The following ZNF544 variants were observed in gnomAD, a reference collection of about 807,000 sequenced individuals.
ZNF544 encodes zinc finger protein 544.
Under a neutral mutation model 13.5 loss-of-function variants are expected in ZNF544, and 10 were observed. The ratio of observed to expected loss-of-function variants is 0.74; its 90% CI spans 0.46 to 1.25. The LOEUF (loss-of-function observed/expected upper bound fraction) is 1.25. ZNF544 is among the 50% of genes most tolerant of loss of function. ZNF544 has a pLI of 0.00. For missense variants in ZNF544, 896 were observed against 845.6 expected (o/e 1.06, Z -0.74); for synonymous variants, 323 against 300.5 (o/e 1.07, Z -0.77).
At chr19:58,267,595 T>C (rs1386066981), downstream of ZNF544, 2 of 149,758 alleles carry the variant, frequency 1.3e-5, no homozygotes, top group Non-Finnish European at 1.5e-5. Context: ...TCCCAGCTAC[T>C]TGGGAGGCTG....
In ZNF544 at chr19:58,262,674, T is replaced by C; in HGVS notation, c.2068T>C (p.Cys690Arg). Reference protein sequence around the residue: ...RIHSGEKPYECSDCGKSFRQQ... With the variant: ...RIHSGEKPYERSDCGKSFRQQ... ...TCATTCTGGAGAGAAACCCTATGAA[T>C]GTAGTGACTGTGGGAAATCCTTCCG... The change falls in exon 7 of 7, where the codon TGT becomes CGT. Residue 690 changes from cysteine (C) to arginine (R), a missense_variant. Cys to Arg is a radical substitution (Grantham distance 180). Coordinates refer to ENST00000687789, the MANE Select transcript of ZNF544 (RefSeq NM_014480.4). 1 of 1,613,214 alleles carries C rather than the reference T, an allele frequency of 6.2e-7. No homozygotes were observed. The highest frequency in any genetic ancestry group is 8.5e-7 in the Non-Finnish European group (1 of 1,179,288).
intron 5 of ZNF544, among the ~76,000 whole-genome samples, chr19:58,272,866 CCTT>C (rs1312520805): frequency 2.7e-5 from 4 of 149,496 alleles, no homozygotes; most frequent in African/African-American, 9.8e-5. Flanking sequence ...GAGCGAGTCT[CCTT>C]CTCAAAAAAA....
intron 3 of ZNF544, 32 bp from the exon 4 acceptor site, chr19:58,243,933 G>A (rs1490405919): frequency 2.0e-6 from 3 of 1,507,636 alleles, no homozygotes; most frequent in East Asian, 2.5e-5. Context: ...CAGGAGCCGA[G>A]GGGCTGAATC....
chr19:58,268,470 A>C (rs2050215578), downstream of ZNF544, among the ~76,000 whole-genome samples: 1 of 152,216 alleles, frequency 6.6e-6, no homozygotes, highest in Non-Finnish European at 1.5e-5. Context: ...AGCACTCAAA[A>C]CATAAATTTA....
At position 58,243,975 on chromosome 19, in the gene ZNF544, T is replaced by C. The variant is rs373805307; in HGVS notation, c.-49T>C. 6.3e-7 allele frequency: 1 copy of C among 1,583,500 alleles called. No homozygotes were observed. The highest frequency in any genetic ancestry group is 1.8e-5 in the Admixed American group (1 of 55,338). Reference sequence around the variant, plus strand: ...TGTTTTCCACCCCAGACTGGTCTTCTGAGGACCTCTGCCCTCTACACAGCG... The same window carrying C: ...TGTTTTCCACCCCAGACTGGTCTTCCGAGGACCTCTGCCCTCTACACAGCG... On this transcript the variant is annotated 5_prime_UTR_variant, in exon 4 of 7. An upstream open reading frame in the 5' UTR loses its in-frame stop. Transcript: ENST00000687789.
At chr19:58,270,154 G>C (rs1435858117) in intron 5 of ZNF544, among the ~76,000 whole-genome samples, 6 of 152,168 alleles carry the variant, frequency 3.9e-5, no homozygotes, top group African/African-American at 1.4e-4. Context: ...AGAAAGTAGT[G>C]TTCACTTGAC....
intron 4 of ZNF544, 127 bp from the exon 5 acceptor site, chr19:58,246,174 C>A: frequency 7.7e-7 from 1 of 1,295,382 alleles, no homozygotes; most frequent in Non-Finnish European, 1.1e-6. Context: ...TTAACACTAT[C>A]TCACTGGGTA....
chr19:58,262,795 C>T lies in ZNF544; in HGVS notation c.*41C>T. The T allele has an allele frequency of 6.4e-7, 1 of 1,551,962 alleles. No individual in the cohort carries two copies. Among genetic ancestry groups the T allele is most frequent in the Non-Finnish European group, 8.7e-7 (1 of 1,148,936 alleles). Reference sequence around the variant, plus strand: ...GGGAAAGCTTTCATCCAGAGGTCTCCCCTCATCATGCACCAGAGGACGCAT... The same window carrying T: ...GGGAAAGCTTTCATCCAGAGGTCTCTCCTCATCATGCACCAGAGGACGCAT... On this transcript the variant is annotated 3_prime_UTR_variant, in exon 7 of 7. Coordinates refer to ENST00000687789, the MANE Select transcript of ZNF544 (RefSeq NM_014480.4).
intron 5 of ZNF544, among the ~76,000 whole-genome samples, chr19:58,275,521 G>GA (rs139085399): frequency 0.24 from 35,546 of 148,428 alleles, 4,447 homozygotes; most frequent in East Asian, 0.5. Flanking sequence ...AACTAGAAAA[G>GA]AAAAAAAAAA....
Position 58,262,806 on chromosome 19 carries a change from C to G in ZNF544, c.*52C>G. On this transcript the variant is annotated 3_prime_UTR_variant, in exon 7 of 7. Transcript: ENST00000687789. ...CATCCAGAGGTCTCCCCTCATCATG[C>G]ACCAGAGGACGCATGTCGGTGGGAA... is the stretch of plus-strand genomic sequence containing the variant. The G allele has an allele frequency of 1.3e-6, 2 of 1,539,238 alleles. No homozygotes were observed. The highest frequency in any genetic ancestry group is 1.7e-6 in the Non-Finnish European group (2 of 1,143,860).
Position 58,263,065 on chromosome 19 carries a change from T to C in ZNF544, c.*311T>C, listed in dbSNP as rs916347550. The stretch of plus-strand genomic sequence containing the variant: ...TTACTAGGCAGCAGAGAATTCATAC[T>C]GGAGAGAAGCCCTGTGAATGTTAAC... On this transcript the variant is annotated 3_prime_UTR_variant, in exon 7 of 7. Transcript: ENST00000687789. 3 of 1,115,102 alleles carry C rather than the reference T, an allele frequency of 2.7e-6. No homozygotes were observed. The highest frequency in any genetic ancestry group is 3.3e-6 in the Non-Finnish European group (3 of 909,888). The allele number at this position is 1,115,102 out of a possible 1,614,324, so 69.1% of individuals were successfully genotyped here.
chr19:58,271,928 G>T (rs557191895), intron 5 of ZNF544, among the ~76,000 whole-genome samples: 21 of 152,178 alleles, frequency 1.4e-4, no homozygotes, highest in African/African-American at 5.1e-4. Context: ...TTGGGAGGCC[G>T]AGGCGGGCGG....
intron 6 of ZNF544, among the ~76,000 whole-genome samples, chr19:58,254,327 A>G (rs1600333077): frequency 6.6e-6 from 1 of 152,362 alleles, no homozygotes; most frequent in Non-Finnish European, 1.5e-5. Context: ...TTGGGGCCAA[A>G]CAGTATTGCA....
chr19:58,253,564 G>A (rs1366427196), intron 6 of ZNF544, among the ~76,000 whole-genome samples: 1 of 152,170 alleles, frequency 6.6e-6, no homozygotes, highest in African/African-American at 2.4e-5. Flanking sequence ...TCAGCCTCCT[G>A]AGTAGCTGGG....
intron 3 of ZNF544, among the ~76,000 whole-genome samples, chr19:58,239,843 G>A (rs1311134689): frequency 6.7e-6 from 1 of 150,274 alleles, no homozygotes; most frequent in Non-Finnish European, 1.5e-5. Flanking sequence ...AGGTTGCAGT[G>A]ACCCAAGATT....
chr19:58,274,525 C>A (rs1464389030), intron 5 of ZNF544, among the ~76,000 whole-genome samples: 5 of 152,122 alleles, frequency 3.3e-5, no homozygotes, highest in Non-Finnish European at 4.4e-5. Flanking sequence ...TCAGAAGGAA[C>A]CAACTATGCC....
At chr19:58,233,064 C>T (rs1047132740) in intron 3 of ZNF544, among the ~76,000 whole-genome samples, 2 of 151,680 alleles carry the variant, frequency 1.3e-5, no homozygotes, top group African/African-American at 2.4e-5. Context: ...TGGCGGAAGG[C>T]GAAGGAGAAG....
chr19:58,252,421 T>C (rs988120479), intron 6 of ZNF544, among the ~76,000 whole-genome samples: 1 of 152,158 alleles, frequency 6.6e-6, no homozygotes, highest in African/African-American at 2.4e-5. Context: ...CAGGATCCTG[T>C]CTCATACAAA....
At chr19:58,244,542 G>T (rs1301989603) in intron 4 of ZNF544, among the ~76,000 whole-genome samples, 1 of 152,012 alleles carries the variant, frequency 6.6e-6, no homozygotes, top group Non-Finnish European at 1.5e-5. Context: ...AGGAGAGAGA[G>T]TGAGAGCACA....
Sources: gnomAD v4.1 joint callset for allele counts (sites outside exome capture counted in the v4.1 genomes callset) on GRCh38, gnomAD v4.1.1 for gene constraint, MANE v1.5 for transcripts, NCBI Gene and HGNC (gene_info 2026-07-23, HGNC 2026-07-21) for gene names.